Variants in FGF12 observed in about 807,000 individuals in gnomAD.
FGF12 encodes the protein fibroblast growth factor 12B.
Under a neutral mutation model 23.6 loss-of-function variants are expected in FGF12, and 14 were observed. The ratio of observed to expected loss-of-function variants is 0.59; its 90% CI spans 0.39 to 0.93. The LOEUF is 0.93. Among genes scored for constraint, FGF12 ranks in the 40% least tolerant of loss-of-function variants. FGF12 has a pLI of 0.00. For missense variants in FGF12, 175 were observed against 217.8 expected (o/e 0.80, Z 1.24); for synonymous variants, 62 against 77.3 (o/e 0.80, Z 1.04).
chr3:192,553,794 A>G (rs1711628978), intron 2 of FGF12, among the ~76,000 whole-genome samples: 1 of 152,198 alleles, frequency 6.6e-6, no homozygotes, highest in Non-Finnish European at 1.5e-5. Context: ...TCCAAAACTC[A>G]GACTTTTGCG....
At chr3:192,440,793 C>T (rs1211780341) in intron 2 of FGF12, among the ~76,000 whole-genome samples, 1 of 152,236 alleles carries the variant, frequency 6.6e-6, no homozygotes, top group Non-Finnish European at 1.5e-5. Flanking sequence ...CAATCTAACT[C>T]TTCAGTCCCT....
At chr3:192,190,865 T>C (rs912087157) in intron 4 of FGF12, among the ~76,000 whole-genome samples, 1 of 152,208 alleles carries the variant, frequency 6.6e-6, no homozygotes, top group Non-Finnish European at 1.5e-5. Context: ...GTGATAATGC[T>C]CGTGAAATGG....
In FGF12 at chr3:192,225,269, C is replaced by T. The variant is rs147546680; in HGVS notation, c.229-54613G>A. ...TCCTCCTGCTCACTAGCCATCATCG[C>T]TCTGCACTCAATATTTTGCATATTT... On this transcript the variant is annotated intron_variant, in intron 4 of 5. Transcript: ENST00000445105. Among the ~76,000 whole-genome samples, 75 of 152,230 alleles carry T rather than the reference C, an allele frequency of 4.9e-4. 2 individuals carry two copies. The East Asian group carries it at 0.014, about 27-fold the overall frequency.
chr3:192,403,347 C>T (rs1021841311), intron 2 of FGF12, among the ~76,000 whole-genome samples: 2 of 152,016 alleles, frequency 1.3e-5, no homozygotes, highest in East Asian at 1.9e-4. Flanking sequence ...GACTTAATCT[C>T]GAGTTACGTC....
intron 2 of FGF12, among the ~76,000 whole-genome samples, chr3:192,611,472 C>G (rs1714546650): frequency 6.6e-6 from 1 of 152,000 alleles, no homozygotes; most frequent in South Asian, 2.1e-4. Flanking sequence ...CTATTATCTA[C>G]AAGGTCCTTG....
intron 2 of FGF12, among the ~76,000 whole-genome samples, chr3:192,694,333 A>G (rs1319356339): frequency 2.0e-5 from 3 of 152,132 alleles, no homozygotes; most frequent in Admixed American, 6.5e-5. Context: ...GAACAGTATG[A>G]AAGTTCCTCA....
At chr3:192,721,907 A>C (rs1285219784) in intron 2 of FGF12, among the ~76,000 whole-genome samples, 2 of 152,188 alleles carry the variant, frequency 1.3e-5, no homozygotes, top group African/African-American at 4.8e-5. Flanking sequence ...TCACTGTAAG[A>C]CTTTATATTC....
chr3:192,337,463 T>C (rs4687324), intron 3 of FGF12, among the ~76,000 whole-genome samples: 7,880 of 152,188 alleles, frequency 0.052, 594 homozygotes, highest in East Asian at 0.22. Context: ...GAACAGCATG[T>C]AAATAAAATA....
intron 4 of FGF12, among the ~76,000 whole-genome samples, chr3:192,197,716 G>A (rs1041246609): frequency 3.9e-5 from 6 of 152,128 alleles, no homozygotes; most frequent in African/African-American, 4.8e-5. Flanking sequence ...AGGCCGAGGC[G>A]GGAAGATCAC....
intron 2 of FGF12, chr3:192,534,104 CA>C: frequency 5.5e-6 from 1 of 183,004 alleles, no homozygotes; most frequent in Admixed American, 4.8e-5. Flanking sequence ...TTACGAACTA[CA>C]AAAGGATCAG....
At chr3:192,588,364 A>AG (rs1361175368) in intron 2 of FGF12, among the ~76,000 whole-genome samples, 2 of 145,866 alleles carry the variant, frequency 1.4e-5, no homozygotes, top group African/African-American at 5.0e-5. Flanking sequence ...AAAAAAAAAA[A>AG]AAAGAAAAAA....
At chr3:192,317,642 A>G (rs1716299608) in intron 4 of FGF12, among the ~76,000 whole-genome samples, 1 of 152,134 alleles carries the variant, frequency 6.6e-6, no homozygotes, top group African/African-American at 2.4e-5. Flanking sequence ...CTGAACCTAC[A>G]TGGGGGAAAA....
chr3:192,696,012 T>A (rs141970389), intron 2 of FGF12, among the ~76,000 whole-genome samples: 164 of 152,290 alleles, frequency 1.1e-3, no homozygotes, highest in Non-Finnish European at 1.7e-3. Flanking sequence ...GGCAGGAGAA[T>A]CACTTGAATC....
At chr3:192,328,456 G>A (rs1194243214) in intron 4 of FGF12, among the ~76,000 whole-genome samples, 1 of 152,118 alleles carries the variant, frequency 6.6e-6, no homozygotes, top group Non-Finnish European at 1.5e-5. Context: ...ATCACATGTT[G>A]GTACCTGAAG....
chr3:192,145,203 A>G (rs1292985642), intron 5 of FGF12, among the ~76,000 whole-genome samples: 3 of 152,256 alleles, frequency 2.0e-5, no homozygotes, highest in African/African-American at 7.2e-5. Flanking sequence ...ATATTTATGA[A>G]GATTAAATGC....
intron 2 of FGF12, among the ~76,000 whole-genome samples, chr3:192,695,870 G>T (rs1718103692): frequency 6.6e-6 from 1 of 152,140 alleles, no homozygotes; most frequent in African/African-American, 2.4e-5. Flanking sequence ...AGGCCATGGA[G>T]GGTGGATCAC....
chr3:192,672,660 C>T (rs1415049423), intron 2 of FGF12, among the ~76,000 whole-genome samples: 1 of 150,954 alleles, frequency 6.6e-6, no homozygotes, highest in Non-Finnish European at 1.5e-5. Flanking sequence ...GTGTGGGCTT[C>T]GTTTTGTTCC....
At chr3:192,370,732 A>G (rs978795404) in intron 2 of FGF12, among the ~76,000 whole-genome samples, 5 of 152,236 alleles carry the variant, frequency 3.3e-5, no homozygotes, top group South Asian at 2.1e-4. Flanking sequence ...GCTATTCCAT[A>G]TAAGAAGGAC....
chr3:192,659,738 G>A (rs1458896509), intron 2 of FGF12, among the ~76,000 whole-genome samples: 1 of 152,072 alleles, frequency 6.6e-6, no homozygotes, highest in African/African-American at 2.4e-5. Context: ...TTCCACAATG[G>A]TTGAACTAGT....
Sources: allele counts gnomAD v4.1 joint callset (sites outside exome capture counted in the v4.1 genomes callset), GRCh38; gene constraint gnomAD v4.1.1; transcripts MANE v1.5; gene names NCBI Gene and HGNC (gene_info 2026-07-23, HGNC 2026-07-21).